Variants in PCNX2 observed in about 807,000 individuals in gnomAD.
PCNX2 encodes the protein pecanex 2.
In PCNX2, 168 loss-of-function variants were observed where a neutral mutation model predicts 223.8. That is an observed-to-expected ratio of 0.75 (90% CI 0.66 to 0.85). The LOEUF (loss-of-function observed/expected upper bound fraction) is 0.85. PCNX2 is among the 40% of genes least tolerant of loss of function. The probability of loss-of-function intolerance (pLI) is 0.00; values close to 1 mark genes in which losing one functional copy is unlikely to be tolerated. For missense variants in PCNX2, 2,507 were observed against 2,675.5 expected (o/e 0.94, Z 1.39); for synonymous variants, 1,006 against 1,052.6 (o/e 0.96, Z 0.86).
At chr1:233,262,578 G>A (rs1660111940) in intron 2 of PCNX2, among the ~76,000 whole-genome samples, 1 of 152,206 alleles carries the variant, frequency 6.6e-6, no homozygotes, top group Non-Finnish European at 1.5e-5. Context: ...TAATATTTCA[G>A]TTCTATGTAA....
At chr1:233,323,399 T>C in the PCNX2 span, among the ~76,000 whole-genome samples, 9 of 152,256 alleles carry the variant, frequency 5.9e-5, no homozygotes, top group African/African-American at 1.7e-4. Context: ...CATCCTCCTG[T>C]ATACAGGCAT....
intron 25 of PCNX2, among the ~76,000 whole-genome samples, chr1:233,045,122 T>C (rs1056651264): frequency 6.6e-6 from 1 of 152,208 alleles, no homozygotes; most frequent in Non-Finnish European, 1.5e-5. Context: ...GCACCAGAAC[T>C]ACCCCAGTTA....
At chr1:233,269,374 C>A (rs1382640812) in intron 1 of PCNX2, among the ~76,000 whole-genome samples, 1 of 152,072 alleles carries the variant, frequency 6.6e-6, no homozygotes, top group Non-Finnish European at 1.5e-5. Context: ...GAAGTAGGCA[C>A]AATAATGTAA....
intron 33 of PCNX2, 53 bp from the exon 34 acceptor site, chr1:232,984,530 A>G: frequency 2.6e-6 from 4 of 1,560,308 alleles, no homozygotes; most frequent in Non-Finnish European, 3.5e-6. Flanking sequence ...TTCACTACCC[A>G]CTTCTAACTG....
At position 233,139,600 on chromosome 1, in the gene PCNX2, T is replaced by C. The variant is rs1298763720; in HGVS notation, c.3659+114A>G. 5.6e-6 allele frequency: 7 copies of C among 1,251,442 alleles called. No homozygotes were observed. The highest frequency in any genetic ancestry group is 6.5e-6 in the Non-Finnish European group (6 of 916,466). The allele number at this position is 1,251,442 out of a possible 1,614,324, so 77.5% of individuals were successfully genotyped here. On this transcript the variant is annotated intron_variant, in intron 20 of 33. Coordinates refer to ENST00000258229, the MANE Select transcript of PCNX2 (RefSeq NM_014801.4). The surrounding 1 kb of genome is among the most constrained non-coding windows in gnomAD (Gnocchi z 4.4). The stretch of plus-strand genomic sequence containing the variant: ...AAGACCACCATGGCTTATTTTTACA[T>C]GGCCAATCACAGTCGGTAAAGGTTG...
At chr1:233,274,610 G>A (rs1305193793) in intron 1 of PCNX2, among the ~76,000 whole-genome samples, 1 of 152,174 alleles carries the variant, frequency 6.6e-6, no homozygotes, top group African/African-American at 2.4e-5. Context: ...AATCAGGTGT[G>A]CCTAAATCAG....
intron 13 of PCNX2, among the ~76,000 whole-genome samples, chr1:233,207,905 G>A (rs1681571463): frequency 6.6e-6 from 1 of 152,036 alleles, no homozygotes; most frequent in Admixed American, 6.5e-5. Context: ...CTACCCTGAT[G>A]GCAAAACCAT....
chr1:232,984,577 AG>A, intron 33 of PCNX2, 100 bp from the exon 34 acceptor site: 1 of 1,330,060 alleles, frequency 7.5e-7, no homozygotes, highest in Admixed American at 2.1e-5. Flanking sequence ...GCTAAAGGCT[AG>A]CGCTGCCATA....
intron 23 of PCNX2, among the ~76,000 whole-genome samples, chr1:233,074,317 G>A (rs536457197): frequency 9.9e-5 from 15 of 152,246 alleles, no homozygotes; most frequent in African/African-American, 2.2e-4. Context: ...GGACGAGGCC[G>A]GGCGCGGTGG....
In PCNX2 at chr1:233,218,145, G is replaced by A. The variant is rs1191287663; in HGVS notation, c.2544C>T (p.Leu848=). ...DIKENVLAIL[L]IVLVSLLGFL... is the part of the protein sequence containing the mutation. ...ATCCAAGGAGGGAAACCAGGACAAT[G>A]AGTAAAATCGCCAGTACATTCTCCT... Residue 848 remains leucine, a synonymous_variant, in exon 11 of 34, where the codon CTC becomes CTT. Coordinates refer to ENST00000258229, the MANE Select transcript of PCNX2 (RefSeq NM_014801.4). 4.4e-6 allele frequency: 6 copies of A among 1,355,514 alleles called. No homozygotes were observed. The African/African-American group carries it at 6.6e-5, about 15-fold the overall frequency. The allele number at this position is 1,355,514 out of a possible 1,614,324, so 84.0% of individuals were successfully genotyped here.
At chr1:232,997,999 C>A (rs1669935640) in intron 32 of PCNX2, among the ~76,000 whole-genome samples, 1 of 152,146 alleles carries the variant, frequency 6.6e-6, no homozygotes, top group South Asian at 2.1e-4. Flanking sequence ...GCAGCGACCC[C>A]TGGACAGGTG....
intron 1 of PCNX2, among the ~76,000 whole-genome samples, chr1:233,279,486 T>C (rs1240924510): frequency 6.6e-6 from 1 of 152,010 alleles, no homozygotes; most frequent in African/African-American, 2.4e-5. Flanking sequence ...AGTTTCACTA[T>C]GTTGTTCAGG....
intron 19 of PCNX2, among the ~76,000 whole-genome samples, chr1:233,141,522 T>G (rs1677109100): frequency 6.6e-6 from 1 of 151,954 alleles, no homozygotes; most frequent in South Asian, 2.1e-4. Context: ...AAAAGTTAGC[T>G]GGGCATGGTG....
chr1:233,095,066 A>G (rs1674076123), intron 22 of PCNX2, among the ~76,000 whole-genome samples: 1 of 152,202 alleles, frequency 6.6e-6, no homozygotes. Context: ...TTTCTTCAAG[A>G]GTATTTTTAA....
At chr1:233,096,088 G>A (rs947077749) in intron 21 of PCNX2, among the ~76,000 whole-genome samples, 23 of 152,058 alleles carry the variant, frequency 1.5e-4, no homozygotes, top group African/African-American at 2.4e-4. Context: ...TAATCTCAAC[G>A]GATTTATTAT....
At chr1:233,254,313 A>G (rs1299037802) in intron 5 of PCNX2, among the ~76,000 whole-genome samples, 3 of 152,228 alleles carry the variant, frequency 2.0e-5, no homozygotes, top group African/African-American at 7.2e-5. Flanking sequence ...AAACACATTT[A>G]TAAGAAAGTG....
rs1188424764 is a variant in PCNX2, at chr1:233,000,940, C to A, written c.5098-405G>T. ...TCTGGACGGCTTCAATGCTTAGTTA[C>A]CTAAGTAATAAACCCACTTACAGTG... On this transcript the variant is annotated intron_variant, in intron 29 of 33. Coordinates refer to ENST00000258229, the MANE Select transcript of PCNX2 (RefSeq NM_014801.4). This position sits in a 1 kb window ranked among gnomAD's most constrained non-coding sequence, Gnocchi z 4.6. 6.6e-6 allele frequency among the ~76,000 whole-genome samples: 1 copy of A among 152,176 alleles called. No individual in the cohort carries two copies. Among genetic ancestry groups the A allele is most frequent in the Non-Finnish European group, 1.5e-5 (1 of 68,036 alleles).
At chr1:233,103,386 T>A (rs966132050) in intron 21 of PCNX2, among the ~76,000 whole-genome samples, 1 of 151,768 alleles carries the variant, frequency 6.6e-6, no homozygotes, top group Non-Finnish European at 1.5e-5. Context: ...ACTTTTTCTA[T>A]TTTTTTTATA....
intron 21 of PCNX2, among the ~76,000 whole-genome samples, chr1:233,116,212 C>T (rs77493248): frequency 0.017 from 2,547 of 152,218 alleles, 29 homozygotes; most frequent in East Asian, 0.043. Flanking sequence ...CAACAATTGA[C>T]AGAATGATTA....
Sources: gnomAD v4.1 joint callset for allele counts (sites outside exome capture counted in the v4.1 genomes callset) on GRCh38, gnomAD v4.1.1 for gene constraint, Gnocchi (gnomAD v3.1) non-coding constraint, MANE v1.5 for transcripts, NCBI Gene and HGNC (gene_info 2026-07-23, HGNC 2026-07-21) for gene names.